Variants in CCDC85C observed in about 807,000 individuals in gnomAD.
CCDC85C encodes coiled-coil domain containing 85C.
A neutral mutation model predicts 38.3 loss-of-function variants in CCDC85C; 18 were observed. The ratio of observed to expected loss-of-function variants is 0.47; its 90% CI spans 0.33 to 0.70. The LOEUF (loss-of-function observed/expected upper bound fraction) is 0.70. CCDC85C is among the 30% of genes least tolerant of loss of function. CCDC85C has a pLI of 0.03. For missense variants in CCDC85C, 566 were observed against 621.2 expected, an observed-to-expected ratio of 0.91 and a Z score of 0.94; for synonymous variants, 264 against 293.8, an observed-to-expected ratio of 0.90 and a Z score of 1.04.
In CCDC85C at chr14:99,507,375, G is replaced by C. The variant is rs531351860; in HGVS notation, c.*7871C>G. On this transcript the variant is annotated 3_prime_UTR_variant, in exon 6 of 6. Transcript: ENST00000380243. The stretch of plus-strand genomic sequence containing the variant: ...GAGAATCACCTGACCCCAGGAGTTC[G>C]AGGTCAGCCTGGGCAACAAAGTGAG... The C allele has an allele frequency of 1.3e-3, 681 of 529,518 alleles. 1 individual carries two copies. The highest frequency in any genetic ancestry group is 1.9e-3 in the Non-Finnish European group (548 of 291,802). 32.8% of individuals were successfully genotyped at this position (529,518 alleles called of 1,614,324 possible). A position where few individuals can be genotyped will look rare whatever the true frequency, so the allele number is the denominator to read the frequency against.
intron 1 of CCDC85C, among the ~76,000 whole-genome samples, chr14:99,593,891 C>A (rs761209973): frequency 1.3e-5 from 2 of 152,116 alleles, no homozygotes; most frequent in African/African-American, 2.4e-5. Context: ...TAAGTGATAG[C>A]TAATATACAG....
chr14:99,519,626 T>C (rs976550760), intron 3 of CCDC85C, among the ~76,000 whole-genome samples: 5 of 152,280 alleles, frequency 3.3e-5, no homozygotes, highest in Middle Eastern at 3.4e-3. Flanking sequence ...AGCAACACCA[T>C]TCATGTGAGC....
At position 99,505,875 on chromosome 14, in the gene CCDC85C, T is replaced by G. The variant is rs995693901; in HGVS notation, c.*9371A>C. ...CTGTCTCAAAAAATAAAATGGCTCC[T>G]GGAAAGTTTAAAATTGTAGATATGT... On this transcript the variant is annotated 3_prime_UTR_variant, in exon 6 of 6. Coordinates refer to ENST00000380243, the MANE Select transcript of CCDC85C (RefSeq NM_001144995.2). 1.3e-5 allele frequency: 2 copies of G among 152,232 alleles called. No homozygotes were observed. The highest frequency in any genetic ancestry group is 4.8e-5 in the African/African-American group (2 of 41,432). 9.4% of individuals were successfully genotyped at this position (152,232 alleles called of 1,614,324 possible).
intron 1 of CCDC85C, among the ~76,000 whole-genome samples, chr14:99,554,423 T>C (rs1252802938): frequency 6.6e-6 from 1 of 152,196 alleles, no homozygotes; most frequent in African/African-American, 2.4e-5. Flanking sequence ...GGAGTGTGCA[T>C]GTCCCTCTGC....
chr14:99,603,850 C>A lies in CCDC85C; in HGVS notation c.110G>T (p.Arg37Leu), dbSNP rs1479432518. The A allele has an allele frequency of 1.3e-6, 2 of 1,516,916 alleles. No individual in the cohort carries two copies. The highest frequency in any genetic ancestry group is 2.8e-5 in the African/African-American group (2 of 70,576). 94.0% of individuals were successfully genotyped at this position (1,516,916 alleles called of 1,614,324 possible). A position where few individuals can be genotyped will look rare whatever the true frequency, so the allele number is the denominator to read the frequency against. ...GAGGCCCACCTTCTCGCCCTCGGCG[C>A]GCCGCAGCCGCCGCGCCAGCTCCTC... The part of the protein sequence containing the change: ...SKEELARRLR[R>L]AEGEKVGLML... Residue 37 changes from arginine (R) to leucine (L), a missense_variant, in exon 1 of 6, where the codon CGC (arginine) becomes CTC (leucine). Around this residue, in one of 3 missense-constraint regions of CCDC85C, gnomAD observed 269 missense variants for 308.2 expected, o/e 0.87. Transcript: ENST00000380243. This position sits in a 1 kb window ranked among gnomAD's most constrained non-coding sequence, Gnocchi z 7.5.
intron 1 of CCDC85C, among the ~76,000 whole-genome samples, chr14:99,590,071 A>G (rs1460479364): frequency 6.6e-6 from 1 of 152,208 alleles, no homozygotes; most frequent in Non-Finnish European, 1.5e-5. Context: ...CATGTTGCCC[A>G]CACCAGACCA....
rs1296512679 is a variant in CCDC85C at position 99,548,974 on chromosome 14, T to C, written c.794-12886A>G. 6.6e-6 allele frequency among the ~76,000 whole-genome samples: 1 copy of C among 152,102 alleles called. No homozygotes were observed. The highest frequency in any genetic ancestry group is 2.4e-5 in the African/African-American group (1 of 41,410). On this transcript the variant is annotated intron_variant, in intron 1 of 5. Transcript: ENST00000380243. The surrounding 1 kb of genome is among the most constrained non-coding windows in gnomAD (Gnocchi z 4.9). ...TTAGAGGCTTGCCAGGCAGGAGAAATTTTTAAAAACTGCACGAGAATGCTG... is the reference window on the plus strand; with the variant it reads ...TTAGAGGCTTGCCAGGCAGGAGAAACTTTTAAAAACTGCACGAGAATGCTG...
chr14:99,582,256 G>A (rs17098858), intron 1 of CCDC85C, among the ~76,000 whole-genome samples: 3,080 of 152,174 alleles, frequency 0.02, 103 homozygotes, highest in African/African-American at 0.07. Flanking sequence ...TTCTGACGAC[G>A]ACCACCCTGA....
At chr14:99,550,762 C>A (rs1430578501) in intron 1 of CCDC85C, among the ~76,000 whole-genome samples, 2 of 152,186 alleles carry the variant, frequency 1.3e-5, no homozygotes, top group Non-Finnish European at 2.9e-5. Flanking sequence ...AACTGTCCGA[C>A]CTTGATGGAA....
chr14:99,572,216 A>G lies in CCDC85C; in HGVS notation c.793+30951T>C, dbSNP rs905186961. Among the ~76,000 whole-genome samples the G allele has an allele frequency of 6.6e-6, 1 of 152,146 alleles. No individual in the cohort carries two copies. Among genetic ancestry groups the G allele is most frequent in the Non-Finnish European group, 1.5e-5 (1 of 68,022 alleles). On this transcript the variant is annotated intron_variant, in intron 1 of 5. Transcript: ENST00000380243. This position sits in a 1 kb window ranked among gnomAD's most constrained non-coding sequence, Gnocchi z 4.4. ...GGTGGGCTTCAGTGGCCCTGGCCCC[A>G]GCAGCGTTAGTGAATGGCCAGGCTG...
At chr14:99,537,490 GC>G (rs1897627077) in intron 1 of CCDC85C, among the ~76,000 whole-genome samples, 1 of 152,102 alleles carries the variant, frequency 6.6e-6, no homozygotes, top group Admixed American at 6.5e-5. Context: ...CCTGGACCAG[GC>G]CTAGGGCCCA....
intron 1 of CCDC85C, among the ~76,000 whole-genome samples, chr14:99,589,950 G>A (rs2055068386): frequency 6.6e-6 from 1 of 152,248 alleles, no homozygotes; most frequent in African/African-American, 2.4e-5. Flanking sequence ...CCCGGGGATG[G>A]CTGCTCTCCC....
At chr14:99,528,833 G>A (rs536652106) in intron 2 of CCDC85C, among the ~76,000 whole-genome samples, 2 of 152,038 alleles carry the variant, frequency 1.3e-5, no homozygotes, top group East Asian at 1.9e-4. Context: ...ACACTGGGGC[G>A]TGTTAGGGGG....
chr14:99,523,105 T>C (rs2144796), intron 2 of CCDC85C, among the ~76,000 whole-genome samples: 146,777 of 152,288 alleles, frequency 0.96, 70,953 homozygotes, highest in East Asian at 1. Context: ...TGAGAGAAAG[T>C]GGCTGGGCAG....
intron 1 of CCDC85C, among the ~76,000 whole-genome samples, chr14:99,592,852 G>A (rs2055101702): frequency 3.3e-5 from 5 of 152,164 alleles, no homozygotes; most frequent in Admixed American, 6.5e-5. Flanking sequence ...CGGAAGCGGA[G>A]GGAGGTCCCC....
At chr14:99,546,363 T>C (rs1295544304) in intron 1 of CCDC85C, among the ~76,000 whole-genome samples, 1 of 151,800 alleles carries the variant, frequency 6.6e-6, no homozygotes, top group Non-Finnish European at 1.5e-5. Context: ...GTGCAGCAGG[T>C]GGAGGCGGCT....
At chr14:99,602,093 AC>A (rs2055204886) in intron 1 of CCDC85C, among the ~76,000 whole-genome samples, 1 of 152,222 alleles carries the variant, frequency 6.6e-6, no homozygotes, top group Non-Finnish European at 1.5e-5. Context: ...TTCATTCTCC[AC>A]CTTCAGGCAA....
rs1897311279 is a variant in CCDC85C, at chr14:99,522,145, G to T, written c.963C>A (p.Asp321Glu). 6.4e-7 allele frequency: 1 copy of T among 1,550,654 alleles called. No homozygotes were observed. Among genetic ancestry groups the T allele is most frequent in the Non-Finnish European group, 8.7e-7 (1 of 1,146,602 alleles). The change falls in exon 3 of 6, where the codon GAC becomes GAA. Residue 321 changes from aspartate (D) to glutamate (E), a missense_variant. Around this residue, in one of 3 missense-constraint regions of CCDC85C, gnomAD observed 286 missense variants for 276.4 expected, o/e 1.03. Transcript: ENST00000380243. ...GGTGCACACTCACGTTCTGCAGGGAGTCCTGGTAGGAGGGCGGCAGGGACG... is the reference window on the plus strand; with the variant it reads ...GGTGCACACTCACGTTCTGCAGGGATTCCTGGTAGGAGGGCGGCAGGGACG... ...QLASLPPSYQ[D>E]SLQNGPACPA... is the part of the protein sequence containing the mutation.
chr14:99,551,088 T>C (rs193003411), intron 1 of CCDC85C, among the ~76,000 whole-genome samples: 4 of 152,374 alleles, frequency 2.6e-5, no homozygotes, highest in Admixed American at 2.6e-4. Context: ...TTGTAGAGCA[T>C]GAAGTACTGG....
Sources: allele counts gnomAD v4.1 joint callset (sites outside exome capture counted in the v4.1 genomes callset), GRCh38; gene constraint gnomAD v4.1.1; regional missense constraint gnomAD v4.1.1; non-coding constraint Gnocchi (gnomAD v3.1); transcripts MANE v1.5; gene names NCBI Gene and HGNC (gene_info 2026-07-23, HGNC 2026-07-21).